VWA2: variants seen among roughly 807,000 people sequenced by gnomAD.
The protein encoded by VWA2 is von Willebrand factor A domain-containing protein 2.
A neutral mutation model predicts 70.4 loss-of-function variants in VWA2; 73 were observed. The ratio of observed to expected loss-of-function variants is 1.04; its 90% CI spans 0.86 to 1.26. VWA2 has a LOEUF of 1.26. VWA2 is among the 50% of genes most tolerant of loss of function. The pLI is 0.00. For missense variants in VWA2, 1,011 were observed against 998.5 expected, an observed-to-expected ratio of 1.01 and a Z score of -0.17; for synonymous variants, 407 against 423.3, an observed-to-expected ratio of 0.96 and a Z score of 0.47.
intron 1 of VWA2, among the ~76,000 whole-genome samples, chr10:114,243,906 A>G (rs1015749467): frequency 3.3e-5 from 5 of 152,158 alleles, no homozygotes; most frequent in Admixed American, 6.5e-5. Flanking sequence ...CGAAGGCCAC[A>G]CTCTGTTGAG....
At chr10:114,277,543 C>T (rs2133376145) in intron 6 of VWA2, among the ~76,000 whole-genome samples, 1 of 152,286 alleles carries the variant, frequency 6.6e-6, no homozygotes, top group South Asian at 2.1e-4. Flanking sequence ...TCTTCATGTC[C>T]TAGTGTCACC....
intron 2 of VWA2, among the ~76,000 whole-genome samples, chr10:114,249,158 C>T (rs1490051628): frequency 6.6e-6 from 1 of 152,116 alleles, no homozygotes; most frequent in Non-Finnish European, 1.5e-5. Context: ...GCTATTTATC[C>T]TGATGCTCTC....
At chr10:114,258,911 T>C (rs1436406494) in intron 4 of VWA2, among the ~76,000 whole-genome samples, 1 of 152,222 alleles carries the variant, frequency 6.6e-6, no homozygotes, top group Non-Finnish European at 1.5e-5. Flanking sequence ...TATACAGGTA[T>C]AATTTTTTTA....
chr10:114,286,705 C>T (rs1364742076), intron 11 of VWA2, among the ~76,000 whole-genome samples, 194 bp downstream of exon 11: 1 of 152,208 alleles, frequency 6.6e-6, no homozygotes, highest in Non-Finnish European at 1.5e-5. Flanking sequence ...AGTAGTACCT[C>T]CTGAGAGATC....
At position 114,290,221 on chromosome 10, in the gene VWA2, A is replaced by T. The variant is rs1190072592; in HGVS notation, c.2123-19A>T. On this transcript the variant is annotated intron_variant, in intron 12 of 13. Coordinates refer to ENST00000392982, the MANE Select transcript of VWA2 (RefSeq NM_001272046.2). ...CCCATGCCTGGCCGGCCTGGTGGGT[A>T]TGGTGTTCTCCATTGTAGAAGCCAA... 2.6e-6 allele frequency: 4 copies of T among 1,549,906 alleles called. No homozygotes were observed. Among genetic ancestry groups the T allele is most frequent in the Non-Finnish European group, 3.5e-6 (4 of 1,146,616 alleles).
rs757881730 is a variant in VWA2, at chr10:114,289,478, G to A, written c.2111G>A (p.Trp704Ter). ...TACCACCAGGACGTGCTCATTGAGTGGCTGTGTGGAGGTGAGTGGGGGAAT... is the reference window on the plus strand; with the variant it reads ...TACCACCAGGACGTGCTCATTGAGTAGCTGTGTGGAGGTGAGTGGGGGAAT... ...LRYHQDVLIE[W>*]LCGEAKQPVN... Residue 704 changes from tryptophan to a stop codon, truncating the protein, a stop_gained, in exon 12 of 14, where the codon TGG becomes TAG. Coordinates refer to ENST00000392982, the MANE Select transcript of VWA2 (RefSeq NM_001272046.2). LOFTEE classifies it high-confidence loss of function. 2 of 1,614,080 alleles carry A rather than the reference G, an allele frequency of 1.2e-6. No individual in the cohort carries two copies. Among genetic ancestry groups the A allele is most frequent in the Non-Finnish European group, 1.7e-6 (2 of 1,180,036 alleles).
chr10:114,270,498 G>A (rs1436838421), intron 5 of VWA2, among the ~76,000 whole-genome samples: 1 of 152,092 alleles, frequency 6.6e-6, no homozygotes, highest in African/African-American at 2.4e-5. Flanking sequence ...GTCAAATGTG[G>A]GTAAGATTAG....
At chr10:114,274,479 G>T (rs568976596) in intron 6 of VWA2, among the ~76,000 whole-genome samples, 1 of 152,174 alleles carries the variant, frequency 6.6e-6, no homozygotes, top group East Asian at 1.9e-4. Context: ...TATGTTTGTT[G>T]TTTGTTGTTG....
At chr10:114,239,793 T>A (rs1188690501) in intron 1 of VWA2, among the ~76,000 whole-genome samples, 3 of 152,132 alleles carry the variant, frequency 2.0e-5, no homozygotes, top group Non-Finnish European at 2.9e-5. Context: ...AGAGCGCACC[T>A]GGCGCGCGCC....
At chr10:114,247,845 G>A (rs71484934) in intron 1 of VWA2, among the ~76,000 whole-genome samples, 11,137 of 152,164 alleles carry the variant, frequency 0.073, 532 homozygotes, top group Middle Eastern at 0.14. Flanking sequence ...GCACCAGGAT[G>A]AGGATGAGGG....
rs181624068 is a variant in VWA2 at position 114,291,500 on chromosome 10, A to G, written c.*263A>G. 1.9e-4 allele frequency: 89 copies of G among 467,954 alleles called. 1 individual carries two copies. The highest frequency in any genetic ancestry group is 1.3e-3 in the South Asian group (44 of 33,912). 29.0% of individuals were successfully genotyped at this position (467,954 alleles called of 1,614,324 possible). A position where few individuals can be genotyped will look rare whatever the true frequency, so the allele number is the denominator to read the frequency against. ...GAAAAGTTTTGATGTGTAAGTAAAT[A>G]CCCACTTTCTGTACCTGCTGTGCCT... On this transcript the variant is annotated 3_prime_UTR_variant, in exon 14 of 14. Coordinates refer to ENST00000392982, the MANE Select transcript of VWA2 (RefSeq NM_001272046.2).
intron 5 of VWA2, among the ~76,000 whole-genome samples, chr10:114,263,957 G>A (rs2037503398): frequency 6.6e-6 from 1 of 152,194 alleles, no homozygotes; most frequent in Admixed American, 6.5e-5. Context: ...GAACCTTAGT[G>A]AGCTACCATG....
chr10:114,282,597 G>A (rs1420767948), intron 9 of VWA2, 26 bp downstream of exon 9: 5 of 1,606,148 alleles, frequency 3.1e-6, no homozygotes, highest in Non-Finnish European at 2.6e-6. Context: ...TGGATTTACA[G>A]GTTCTTTCAG....
At chr10:114,250,770 T>C (rs1022595307) in intron 2 of VWA2, among the ~76,000 whole-genome samples, 3 of 151,394 alleles carry the variant, frequency 2.0e-5, no homozygotes, top group Admixed American at 1.3e-4. Flanking sequence ...GGTTGGGGAG[T>C]GGTGAGATGT....
chr10:114,275,459 C>G (rs115142602), intron 6 of VWA2, among the ~76,000 whole-genome samples: 143 of 152,308 alleles, frequency 9.4e-4, no homozygotes, highest in African/African-American at 3.2e-3. Flanking sequence ...ATAGCCATTG[C>G]CAAAGATTTG....
rs1015581821 is a variant in VWA2, at chr10:114,293,364, G to C, written c.*2127G>C. ...ATGTAGGCTTTTTGTCTTGTTCCGG[G>C]CTGGTATTTGGGTGCCCTGATTGAA... On this transcript the variant is annotated 3_prime_UTR_variant, in exon 14 of 14. Transcript: ENST00000392982. Among the ~76,000 whole-genome samples, 2 of 152,188 alleles carry C rather than the reference G, an allele frequency of 1.3e-5. No homozygotes were observed. Among genetic ancestry groups the C allele is most frequent in the Admixed American group, 6.5e-5 (1 of 15,282 alleles).
Position 114,293,361 on chromosome 10 carries a change from C to T in VWA2, c.*2124C>T, listed in dbSNP as rs558466055. 4.6e-5 allele frequency among the ~76,000 whole-genome samples: 7 copies of T among 152,260 alleles called. No homozygotes were observed. Among genetic ancestry groups the T allele is most frequent in the East Asian group, 1.9e-4 (1 of 5,188 alleles). On this transcript the variant is annotated 3_prime_UTR_variant, in exon 14 of 14. Transcript: ENST00000392982. ...ATAATGTAGGCTTTTTGTCTTGTTC[C>T]GGGCTGGTATTTGGGTGCCCTGATT...
At chr10:114,276,036 A>G (rs1426420743) in intron 6 of VWA2, among the ~76,000 whole-genome samples, 1 of 152,226 alleles carries the variant, frequency 6.6e-6, no homozygotes, top group Non-Finnish European at 1.5e-5. Context: ...ATCGCTGTCC[A>G]GTTAGTTTGT....
At chr10:114,289,714 TC>T (rs1038312060) in intron 12 of VWA2, 501 of 581,774 alleles carry the variant, frequency 8.6e-4, no homozygotes, top group Non-Finnish European at 1.2e-3. Context: ...CATAGATAAC[TC>T]CCCCCAAACT....
Sources: gnomAD v4.1 joint callset for allele counts (sites outside exome capture counted in the v4.1 genomes callset) on GRCh38, gnomAD v4.1.1 for gene constraint, MANE v1.5 for transcripts, NCBI Gene and HGNC (gene_info 2026-07-23, HGNC 2026-07-21) for gene names.